The following USP26 variants were observed in gnomAD, a reference collection of about 807,000 sequenced individuals.
The protein encoded by USP26 is ubiquitin carboxyl-terminal hydrolase 26.
For synonymous variants in USP26, 236 were observed against 240.6 expected (o/e 0.98, Z 0.18); for missense variants, 649 against 642.3 (o/e 1.01, Z -0.11).
In USP26 at chrX:133,027,067, T is replaced by C; in HGVS notation, c.1154A>G (p.Glu385Gly). 8.3e-7 allele frequency: 1 copy of C among 1,211,486 alleles called. No individual in the cohort carries two copies. The highest frequency in any genetic ancestry group is 1.1e-6 in the Non-Finnish European group (1 of 895,316). Residue 385 changes from glutamate to glycine, a missense_variant, in exon 6 of 6, where the codon GAG becomes GGG. By Grantham distance (98) the Glu-to-Gly change is moderately conservative. Coordinates refer to ENST00000511190, the MANE Select transcript of USP26 (RefSeq NM_031907.3). ...TTGATCTAAACAGTGAGCTAAAAAC[T>C]CATGAGCATCGTTCTGTGCATTGCC... ...FHGNAQNDAH[E>G]FLAHCLDQLK... is the part of the protein sequence containing the mutation.
intron 1 of USP26, among the ~76,000 whole-genome samples, chrX:133,096,302 T>C (rs1363170193): frequency 9.1e-6 from 1 of 109,795 alleles, no homozygotes; most frequent in African/African-American, 3.3e-5. Flanking sequence ...ACAATTAAAT[T>C]CACAACTATA....
At chrX:133,050,571 G>C (rs1297421061) in intron 5 of USP26, among the ~76,000 whole-genome samples, 3 of 111,528 alleles carry the variant, frequency 2.7e-5, no homozygotes, top group Admixed American at 9.6e-5. Flanking sequence ...ATATTCACTA[G>C]AGGATAGAAT....
At chrX:133,061,716 C>T (rs898726626) in intron 5 of USP26, among the ~76,000 whole-genome samples, 6 of 111,948 alleles carry the variant, frequency 5.4e-5, no homozygotes, top group African/African-American at 1.6e-4. Context: ...GCCTCCCTTT[C>T]CCAACCAAAG....
In USP26 at chrX:133,025,932, T is replaced by A. The variant is rs1349869381; in HGVS notation, c.2289A>T (p.Pro763=). The A allele has an allele frequency of 1.7e-6, 2 of 1,211,595 alleles. No homozygotes were observed. The highest frequency in any genetic ancestry group is 4.3e-5 in the Admixed American group (2 of 45,978). ...QQALPQSFPK[P]GTQGHTKNLL... ...GGTTCTTTGTGTGCCCCTGGGTGCC[T>A]GGCTTTGGAAAGCTTTGAGGCAGTG... The change falls in exon 6 of 6, where the codon CCA becomes CCT. Residue 763 remains proline (P), a synonymous_variant. Transcript: ENST00000511190.
intron 4 of USP26, among the ~76,000 whole-genome samples, chrX:133,089,171 C>T (rs146162286): frequency 0.03 from 3,267 of 109,890 alleles, 72 homozygotes; most frequent in East Asian, 0.1. Flanking sequence ...TTACATGATG[C>T]TACCAGAATA....
chrX:133,044,266 C>A (rs1361247147), intron 5 of USP26, among the ~76,000 whole-genome samples: 3 of 113,507 alleles, frequency 2.6e-5, no homozygotes, highest in Non-Finnish European at 5.6e-5. Flanking sequence ...CCTCAGCGCC[C>A]ACTCTGGCCG....
intron 1 of USP26, among the ~76,000 whole-genome samples, chrX:133,095,074 G>A (rs1310687498): frequency 4.4e-5 from 3 of 68,230 alleles, no homozygotes; most frequent in East Asian, 8.3e-4. Context: ...CAGCCTGGGC[G>A]ACAGAACAAG....
chrX:133,085,413 T>C (rs1452263459), intron 4 of USP26, among the ~76,000 whole-genome samples: 1 of 111,937 alleles, frequency 8.9e-6, no homozygotes, highest in East Asian at 2.8e-4. Flanking sequence ...ACACTAAGAA[T>C]AGAAATATGA....
chrX:133,064,338 C>T (rs1318515996), intron 5 of USP26, among the ~76,000 whole-genome samples: 3 of 111,414 alleles, frequency 2.7e-5, no homozygotes, highest in Non-Finnish European at 3.8e-5. Context: ...AAAATTAACA[C>T]GGATATTCAG....
rs887422621 is a variant in USP26, at chrX:133,026,129, G to A, written c.2092C>T (p.Arg698Ter). 1.7e-6 allele frequency: 2 copies of A among 1,208,291 alleles called. No homozygotes were observed. Among genetic ancestry groups the A allele is most frequent in the Non-Finnish European group, 2.2e-6 (2 of 894,798 alleles). The change falls in exon 6 of 6, where the codon CGA becomes TGA. Residue 698 changes from arginine (R) to a stop codon, truncating the protein, a stop_gained. Transcript: ENST00000511190. LOFTEE classifies it low-confidence loss of function (END_TRUNC). ...TTACTGGTTTTCACATATTTCTTTC[G>A]TTTTGGATTTTCGGGCACTGTTTGA... Reference protein sequence around the residue: ...DFQTVPENPKRKKYVKTSKFV... With the variant: ...DFQTVPENPK
At chrX:133,096,215 T>C (rs1332736907) in intron 1 of USP26, among the ~76,000 whole-genome samples, 1 of 108,802 alleles carries the variant, frequency 9.2e-6, no homozygotes, top group Non-Finnish European at 1.9e-5. Context: ...ATATTGTTTG[T>C]AAAACATCAA....
intron 4 of USP26, among the ~76,000 whole-genome samples, chrX:133,088,063 A>T (rs2067595452): frequency 9.0e-6 from 1 of 111,718 alleles, no homozygotes; most frequent in Non-Finnish European, 1.9e-5. Flanking sequence ...CTAGCTACTC[A>T]GGGGGCTGAG....
In USP26 at chrX:133,025,316, G is replaced by T; in HGVS notation, c.*163C>A. The T allele has an allele frequency of 1.9e-5, 15 of 782,763 alleles. No homozygotes were observed. The South Asian group carries it at 3.8e-4, about 20-fold the overall frequency. 64.5% of individuals were successfully genotyped at this position (782,763 alleles called of 1,213,427 possible). A position where few individuals can be genotyped will look rare whatever the true frequency, so the allele number is the denominator to read the frequency against. ...CTATGGGATTGAGGTGTCTGTGTCAGGATTAGAATGCAGATCTCCCCATTA... is the reference window on the plus strand; with the variant it reads ...CTATGGGATTGAGGTGTCTGTGTCATGATTAGAATGCAGATCTCCCCATTA... On this transcript the variant is annotated 3_prime_UTR_variant, in exon 6 of 6. Coordinates refer to ENST00000511190, the MANE Select transcript of USP26 (RefSeq NM_031907.3).
At chrX:133,094,004 A>AAGAGTAAAC (rs1230259549) in intron 1 of USP26, among the ~76,000 whole-genome samples, 5 of 108,300 alleles carry the variant, frequency 4.6e-5, no homozygotes, top group African/African-American at 1.7e-4. Flanking sequence ...AAAAAAAAAA[A>AAGAGTAAAC]AAGAGTAAAC....
chrX:133,069,480 A>T (rs1016444246), intron 5 of USP26, among the ~76,000 whole-genome samples: 2 of 111,074 alleles, frequency 1.8e-5, no homozygotes, highest in African/African-American at 6.5e-5. Flanking sequence ...AGCCTAAAAA[A>T]AGGTGTCCAG....
intron 4 of USP26, among the ~76,000 whole-genome samples, chrX:133,085,992 T>C (rs941286248): frequency 3.6e-5 from 4 of 111,151 alleles, no homozygotes; most frequent in African/African-American, 6.6e-5. Flanking sequence ...CGTGGGTGTG[T>C]GTGTGAGTGC....
Position 133,075,063 on chromosome X carries a change from G to A in USP26, c.-77+8644C>T, listed in dbSNP as rs780879075. Among the ~76,000 whole-genome samples, 6 of 111,208 alleles carry A rather than the reference G, an allele frequency of 5.4e-5. No individual in the cohort carries two copies. The East Asian group carries it at 1.1e-3, about 21-fold the overall frequency. On this transcript the variant is annotated intron_variant, in intron 5 of 5. Coordinates refer to ENST00000511190, the MANE Select transcript of USP26 (RefSeq NM_031907.3). ...CAATCAGCAACTCAGCATTAAAGACGGCAGTTCCTATTGTGTCCTCCCACT... is the reference window on the plus strand; with the variant it reads ...CAATCAGCAACTCAGCATTAAAGACAGCAGTTCCTATTGTGTCCTCCCACT...
intron 5 of USP26, among the ~76,000 whole-genome samples, chrX:133,071,514 A>G (rs1483754860): frequency 9.1e-6 from 1 of 109,852 alleles, no homozygotes; most frequent in Non-Finnish European, 1.9e-5. Flanking sequence ...CTCATTAAAT[A>G]TTAGGTTGAA....
Position 133,026,816 on chromosome X carries a change from G to A in USP26, c.1405C>T (p.Pro469Ser). The A allele has an allele frequency of 8.3e-7, 1 of 1,211,180 alleles. No homozygotes were observed. Among genetic ancestry groups the A allele is most frequent in the Non-Finnish European group, 1.1e-6 (1 of 895,291 alleles). ...GAAGGATGTGCTTTTATTCTTTGGG[G>A]AAGGTTGATGGAGAGGTAATTATTC... The part of the protein sequence containing the change: ...ELNNYLSINL[P>S]QRIKAHPSSI... Residue 469 changes from proline (P) to serine (S), a missense_variant, in exon 6 of 6, where the codon CCC (proline) becomes TCC (serine). Coordinates refer to ENST00000511190, the MANE Select transcript of USP26 (RefSeq NM_031907.3).
Sources: allele counts gnomAD v4.1 joint callset (sites outside exome capture counted in the v4.1 genomes callset), GRCh38; gene constraint gnomAD v4.1.1; transcripts MANE v1.5; gene names NCBI Gene and HGNC (gene_info 2026-07-23, HGNC 2026-07-21).